Variants in HEATR3 observed in about 807,000 individuals in gnomAD.
HEATR3 encodes HEAT repeat-containing protein 3.
HEATR3 carries 56 observed loss-of-function variants against 72.8 expected under a neutral mutation model. The observed-to-expected ratio is 0.77, with a 90% CI of 0.62 to 0.96. The LOEUF (loss-of-function observed/expected upper bound fraction) is 0.96, where lower values mean the gene tolerates loss of function less well. Among genes scored for constraint, HEATR3 ranks in the 40% least tolerant of loss-of-function variants. The probability of loss-of-function intolerance (pLI) is 0.00; values close to 1 mark genes in which losing one functional copy is unlikely to be tolerated. For missense variants in HEATR3, 747 were observed against 831.4 expected, an observed-to-expected ratio of 0.90 and a Z score of 1.25; for synonymous variants, 331 against 318.1, an observed-to-expected ratio of 1.04 and a Z score of -0.43.
intron 11 of HEATR3, among the ~76,000 whole-genome samples, chr16:50,088,735 A>G (rs944756674): frequency 2.6e-5 from 4 of 151,738 alleles, no homozygotes; most frequent in African/African-American, 7.3e-5. Context: ...GCTCATGCCC[A>G]CCCCCACCCA....
rs547166299 is a variant in HEATR3, at chr16:50,065,970, A to C, written c.-162A>C. The C allele has an allele frequency of 9.1e-5, 15 of 164,356 alleles. No individual in the cohort carries two copies. The highest frequency in any genetic ancestry group is 9.2e-5 in the Non-Finnish European group (8 of 86,524). 10.2% of individuals were successfully genotyped at this position (164,356 alleles called of 1,614,324 possible). ...CGCCCCGCCCCAACCCCGACCCGGC[A>C]GACGACGCGCCGTGCGCCTGCGCAC... On this transcript the variant is annotated 5_prime_UTR_variant, in exon 1 of 15. Coordinates refer to ENST00000299192, the MANE Select transcript of HEATR3 (RefSeq NM_182922.4).
intron 7 of HEATR3, among the ~76,000 whole-genome samples, chr16:50,079,715 A>T (rs1039375421): frequency 6.6e-6 from 1 of 152,202 alleles, no homozygotes; most frequent in African/African-American, 2.4e-5. Flanking sequence ...TTATTCATTC[A>T]GGTTCACATT....
At chr16:50,084,471 A>G in intron 9 of HEATR3, 98 bp from the exon 10 acceptor site, 1 of 1,139,878 alleles carries the variant, frequency 8.8e-7, no homozygotes, top group Non-Finnish European at 1.3e-6. Flanking sequence ...TATGAAGCCT[A>G]ACCATTTCAC....
At chr16:50,089,160 T>C (rs193124915) in intron 11 of HEATR3, among the ~76,000 whole-genome samples, 3 of 152,282 alleles carry the variant, frequency 2.0e-5, no homozygotes, top group East Asian at 3.9e-4. Flanking sequence ...TGGGAAAATA[T>C]AACTAAGCAC....
chr16:50,070,392 A>G, intron 4 of HEATR3, 102 bp downstream of exon 4: 2 of 494,756 alleles, frequency 4.0e-6, no homozygotes, highest in Non-Finnish European at 3.6e-6. Context: ...TAGGCCTGTT[A>G]ATCTGGGATG....
At chr16:50,081,497 TG>T (rs2036864822) in intron 7 of HEATR3, among the ~76,000 whole-genome samples, 3 of 151,482 alleles carry the variant, frequency 2.0e-5, no homozygotes, top group Middle Eastern at 6.8e-3. Context: ...AAGATTGTAG[TG>T]GTGGGCGGTG....
At chr16:50,084,409 T>A in intron 9 of HEATR3, 118 bp downstream of exon 9, 1 of 1,314,176 alleles carries the variant, frequency 7.6e-7, no homozygotes, top group Non-Finnish European at 1.0e-6. Flanking sequence ...TGGTAAGATC[T>A]GAGACAAAGC....
chr16:50,098,676 A>T (rs1270845183), intron 12 of HEATR3, among the ~76,000 whole-genome samples: 1 of 151,832 alleles, frequency 6.6e-6, no homozygotes, highest in Non-Finnish European at 1.5e-5. Context: ...ATAATAATAA[A>T]TAATTTAAAA....
At chr16:50,102,914 C>T (rs1291658121) in intron 14 of HEATR3, among the ~76,000 whole-genome samples, 2 of 152,032 alleles carry the variant, frequency 1.3e-5, no homozygotes, top group African/African-American at 4.8e-5. Context: ...AGGTGTCCAC[C>T]ACATCACCCA....
In HEATR3 at chr16:50,066,514, A is replaced by T; in HGVS notation, c.286A>T (p.Arg96Trp). 1 of 1,314,136 alleles carries T rather than the reference A, an allele frequency of 7.6e-7. No homozygotes were observed. The highest frequency in any genetic ancestry group is 9.6e-7 in the Non-Finnish European group (1 of 1,036,630). 81.4% of individuals were successfully genotyped at this position (1,314,136 alleles called of 1,614,324 possible). Residue 96 changes from arginine (R) to tryptophan (W), a missense_variant, in exon 2 of 15, where the codon AGG (arginine) becomes TGG (tryptophan). Coordinates refer to ENST00000299192, the MANE Select transcript of HEATR3 (RefSeq NM_182922.4). The part of the protein sequence containing the change: ...PLLLDPSLAV[R>W]ETAAGALRNL... Reference sequence around the variant, plus strand: ...GCTGCTAGACCCCAGCCTGGCCGTCAGGGAGACTGCAGCCGGCGCGCTGAG... The same window carrying T: ...GCTGCTAGACCCCAGCCTGGCCGTCTGGGAGACTGCAGCCGGCGCGCTGAG...
At position 50,066,446 on chromosome 16, in the gene HEATR3, C is replaced by T. The variant is rs2036497673; in HGVS notation, c.218C>T (p.Pro73Leu). ...ARLVQQRPAL[P>L]GLARRDAVRR... Reference sequence around the variant, plus strand: ...CTGGTGCAGCAGCGGCCGGCACTCCCGGGCCTGGCGCGACGAGACGCCGTG... The same window carrying T: ...CTGGTGCAGCAGCGGCCGGCACTCCTGGGCCTGGCGCGACGAGACGCCGTG... The change falls in exon 2 of 15, where the codon CCG becomes CTG. Residue 73 changes from proline to leucine, a missense_variant. Around this residue, in one of 2 missense-constraint regions of HEATR3, gnomAD observed 161 missense variants for 122.6 expected, o/e 1.31. Transcript: ENST00000299192. The T allele has an allele frequency of 2.1e-6, 3 of 1,398,188 alleles. No homozygotes were observed. Among genetic ancestry groups the T allele is most frequent in the East Asian group, 5.9e-5 (2 of 34,136 alleles). 86.6% of individuals were successfully genotyped at this position (1,398,188 alleles called of 1,614,324 possible). A position where few individuals can be genotyped will look rare whatever the true frequency, so the allele number is the denominator to read the frequency against.
At chr16:50,103,840 A>G (rs931586607) in intron 14 of HEATR3, among the ~76,000 whole-genome samples, 1 of 152,142 alleles carries the variant, frequency 6.6e-6, no homozygotes, top group Non-Finnish European at 1.5e-5. Context: ...AGCCTGGGAA[A>G]CATAGCAAGA....
chr16:50,096,904 A>T lies in HEATR3; in HGVS notation c.1599+2111A>T, dbSNP rs374720692. 1.1e-4 allele frequency among the ~76,000 whole-genome samples: 17 copies of T among 152,114 alleles called. No individual in the cohort carries two copies. In the East Asian group the frequency reaches 1.9e-3, roughly 17 times the overall value. On this transcript the variant is annotated intron_variant, in intron 12 of 14. Coordinates refer to ENST00000299192, the MANE Select transcript of HEATR3 (RefSeq NM_182922.4). ...CCTCACTCCCCTCCTTTCCCCATAC[A>T]CTTACCCATTGAAGAAACTCTCATT...
At chr16:50,089,912 G>A (rs1305833664) in intron 11 of HEATR3, among the ~76,000 whole-genome samples, 2 of 152,016 alleles carry the variant, frequency 1.3e-5, no homozygotes, top group African/African-American at 4.8e-5. Flanking sequence ...TGATCCACCC[G>A]CCTCGACCTC....
At chr16:50,069,989 A>G (rs1567424442) in intron 3 of HEATR3, among the ~76,000 whole-genome samples, 189 bp from the exon 4 acceptor site, 1 of 152,184 alleles carries the variant, frequency 6.6e-6, no homozygotes, top group African/African-American at 2.4e-5. Context: ...TTGCCTTCCT[A>G]CTGTCTTTTA....
intron 11 of HEATR3, among the ~76,000 whole-genome samples, chr16:50,088,129 A>G (rs2037028591): frequency 6.6e-6 from 1 of 152,202 alleles, no homozygotes; most frequent in African/African-American, 2.4e-5. Flanking sequence ...CTCCGTTTCA[A>G]AAAAAATCAA....
At chr16:50,076,865 A>ATTTT (rs756365677) in intron 6 of HEATR3, among the ~76,000 whole-genome samples, 1 of 106,384 alleles carries the variant, frequency 9.4e-6, no homozygotes, top group African/African-American at 3.8e-5. Flanking sequence ...ACACCTGGCT[A>ATTTT]TTTTTTTTTT....
In HEATR3 at chr16:50,078,722, A is replaced by T. The variant is rs1392859014; in HGVS notation, c.764-19A>T. 1 of 1,600,504 alleles carries T rather than the reference A, an allele frequency of 6.2e-7. No homozygotes were observed. Among genetic ancestry groups the T allele is most frequent in the East Asian group, 2.2e-5 (1 of 44,744 alleles). Reference sequence around the variant, plus strand: ...TATTTCACAGGCATTTCTTATCCTTATGCTTGTTTTTTTCCCAGGCACAAT... The same window carrying T: ...TATTTCACAGGCATTTCTTATCCTTTTGCTTGTTTTTTTCCCAGGCACAAT... On this transcript the variant is annotated intron_variant, in intron 6 of 14. Transcript: ENST00000299192.
chr16:50,098,124 TAA>T (rs1211173260), intron 12 of HEATR3: 2 of 152,110 alleles, frequency 1.3e-5, no homozygotes, highest in Non-Finnish European at 2.9e-5. Flanking sequence ...CCAGTTTAAA[TAA>T]AAAATGGTAC....
Sources: allele counts gnomAD v4.1 joint callset (sites outside exome capture counted in the v4.1 genomes callset), GRCh38; gene constraint gnomAD v4.1.1; regional missense constraint gnomAD v4.1.1; transcripts MANE v1.5; gene names NCBI Gene and HGNC (gene_info 2026-07-23, HGNC 2026-07-21).